Variants in DDX10 observed in about 807,000 individuals in gnomAD.
The protein encoded by DDX10 is probable ATP-dependent RNA helicase DDX10.
A neutral mutation model predicts 104.3 loss-of-function variants in DDX10; 74 were observed. The observed-to-expected ratio is 0.71, with a 90% CI of 0.59 to 0.86. The LOEUF is 0.86. Among genes scored for constraint, DDX10 ranks in the 40% least tolerant of loss-of-function variants. The pLI, the probability that DDX10 is intolerant of heterozygous loss-of-function variation, is 0.00. For synonymous variants in DDX10, 351 were observed against 353.4 expected (o/e 0.99, Z 0.08); for missense variants, 952 against 1,040.0 (o/e 0.92, Z 1.16).
Position 108,844,096 on chromosome 11 carries a change from T to A in DDX10, c.2247+2620T>A, listed in dbSNP as rs570989713. ...TGGGCTGACGAAGTTGTGAGAGAAA[T>A]CACTTGAACTTTACATATAGCTGGT... On this transcript the variant is annotated intron_variant, in intron 15 of 17. Transcript: ENST00000322536. 8.5e-4 allele frequency among the ~76,000 whole-genome samples: 129 copies of A among 152,278 alleles called. 2 individuals are homozygous for A. The highest frequency in any genetic ancestry group is 6.8e-3 in the Middle Eastern group (2 of 294).
At chr11:108,775,781 A>G (rs1591815179) in intron 13 of DDX10, among the ~76,000 whole-genome samples, 2 of 152,216 alleles carry the variant, frequency 1.3e-5, no homozygotes, top group Non-Finnish European at 2.9e-5. Flanking sequence ...TTTACATGCA[A>G]TATAGCCACA....
chr11:108,773,374 T>C (rs900728949), intron 13 of DDX10, among the ~76,000 whole-genome samples: 1 of 152,242 alleles, frequency 6.6e-6, no homozygotes, highest in East Asian at 1.9e-4. Flanking sequence ...CTGCACTTAC[T>C]GTTGATGTCT....
chr11:108,721,713 G>C (rs2094298603), intron 12 of DDX10, among the ~76,000 whole-genome samples: 1 of 152,132 alleles, frequency 6.6e-6, no homozygotes, highest in African/African-American at 2.4e-5. Flanking sequence ...GATACCTAAA[G>C]CAGTGCTGTG....
intron 13 of DDX10, among the ~76,000 whole-genome samples, chr11:108,774,652 A>T (rs777544901): frequency 2.0e-5 from 3 of 152,064 alleles, no homozygotes; most frequent in Non-Finnish European, 4.4e-5. Flanking sequence ...GTTAAAAGGG[A>T]TAAAAACCTT....
At chr11:108,922,014 G>A (rs1189754078) in intron 17 of DDX10, 2 of 152,370 alleles carry the variant, frequency 1.3e-5, no homozygotes, top group Non-Finnish European at 2.9e-5. Context: ...GGGAGGCCGA[G>A]GTGGGCGGAT....
chr11:108,830,798 A>G (rs1002186629), intron 13 of DDX10, among the ~76,000 whole-genome samples: 8 of 152,210 alleles, frequency 5.3e-5, no homozygotes, highest in African/African-American at 1.9e-4. Context: ...TTCTGCATCT[A>G]TTGAGATAAT....
chr11:108,877,470 ACT>A (rs1476755682), intron 16 of DDX10, among the ~76,000 whole-genome samples: 4 of 152,140 alleles, frequency 2.6e-5, no homozygotes, highest in Non-Finnish European at 4.4e-5. Context: ...TCTCAATCAC[ACT>A]TAGAAGCCTA....
At chr11:108,667,362 A>T (rs1386843388) in intron 1 of DDX10, among the ~76,000 whole-genome samples, 1 of 152,218 alleles carries the variant, frequency 6.6e-6, no homozygotes, top group Non-Finnish European at 1.5e-5. Context: ...CAAGATGAAG[A>T]TCTAATCATT....
chr11:108,828,062 T>C (rs908831957), intron 13 of DDX10, among the ~76,000 whole-genome samples: 1 of 152,208 alleles, frequency 6.6e-6, no homozygotes, highest in East Asian at 1.9e-4. Flanking sequence ...GTTATGTGGG[T>C]CTTAATTTTA....
intron 13 of DDX10, among the ~76,000 whole-genome samples, chr11:108,795,677 T>G (rs2134552159): frequency 6.6e-6 from 1 of 152,222 alleles, no homozygotes; most frequent in South Asian, 2.1e-4. Context: ...GAACTCATCC[T>G]TTTTTATGGC....
At chr11:108,907,997 G>C (rs910690609) in intron 16 of DDX10, among the ~76,000 whole-genome samples, 2 of 152,174 alleles carry the variant, frequency 1.3e-5, no homozygotes, top group Non-Finnish European at 2.9e-5. Context: ...AGCACTGTCA[G>C]TTGCTCTTGT....
chr11:108,742,299 G>A (rs2094326177), intron 13 of DDX10, among the ~76,000 whole-genome samples: 1 of 150,834 alleles, frequency 6.6e-6, no homozygotes, highest in Admixed American at 6.6e-5. Context: ...TGGGCATGGT[G>A]GCTCATGCCT....
chr11:108,694,398 C>T (rs2094256871), intron 9 of DDX10, among the ~76,000 whole-genome samples: 1 of 152,130 alleles, frequency 6.6e-6, no homozygotes, highest in Non-Finnish European at 1.5e-5. Flanking sequence ...GTGCTCTTAC[C>T]TTCTAAAGTA....
At chr11:108,695,255 G>A (rs2094258117) in intron 9 of DDX10, among the ~76,000 whole-genome samples, 2 of 152,182 alleles carry the variant, frequency 1.3e-5, no homozygotes, top group African/African-American at 2.4e-5. Flanking sequence ...ATTATGGTTA[G>A]CCACAGATGG....
At chr11:108,858,378 A>G (rs1472605553) in intron 16 of DDX10, among the ~76,000 whole-genome samples, 1 of 152,188 alleles carries the variant, frequency 6.6e-6, no homozygotes, top group African/African-American at 2.4e-5. Context: ...CACATAATAA[A>G]TGCTCTGTAG....
At chr11:108,882,340 C>T (rs1231443652) in intron 16 of DDX10, among the ~76,000 whole-genome samples, 1 of 152,168 alleles carries the variant, frequency 6.6e-6, no homozygotes. Context: ...ACTCTCGACG[C>T]CAGGGCATTC....
At chr11:108,887,391 G>T (rs906423614) in intron 16 of DDX10, among the ~76,000 whole-genome samples, 1 of 151,382 alleles carries the variant, frequency 6.6e-6, no homozygotes, top group Non-Finnish European at 1.5e-5. Flanking sequence ...ATATTTGTCT[G>T]TATGTAGAAA....
intron 13 of DDX10, among the ~76,000 whole-genome samples, chr11:108,767,092 C>T (rs1204316592): frequency 1.2e-4 from 19 of 152,124 alleles, no homozygotes; most frequent in Non-Finnish European, 2.1e-4. Context: ...GTAGTAGGCA[C>T]TAAGTGATGT....
At chr11:108,849,714 T>C (rs1862766034) in intron 15 of DDX10, among the ~76,000 whole-genome samples, 1 of 151,850 alleles carries the variant, frequency 6.6e-6, no homozygotes, top group Admixed American at 6.6e-5. Flanking sequence ...TAGTTTTTGG[T>C]ACCAGTATGT....
Sources: allele counts gnomAD v4.1 joint callset (sites outside exome capture counted in the v4.1 genomes callset), GRCh38; gene constraint gnomAD v4.1.1; transcripts MANE v1.5; gene names NCBI Gene and HGNC (gene_info 2026-07-23, HGNC 2026-07-21).